The following SLFN14 variants were observed in gnomAD, a reference collection of about 807,000 sequenced individuals.
SLFN14 encodes schlafen family member 14.
SLFN14 carries 47 observed loss-of-function variants against 58.6 expected under a neutral mutation model. That is an observed-to-expected ratio of 0.80 (90% CI 0.64 to 1.02). The LOEUF (loss-of-function observed/expected upper bound fraction) is 1.02. Ranked by LOEUF, SLFN14 falls within the 50% of genes least tolerant of loss-of-function variation. The pLI, the probability that SLFN14 is intolerant of heterozygous loss-of-function variation, is 0.00. For missense variants in SLFN14, 967 were observed against 1,078.4 expected, an observed-to-expected ratio of 0.90 and a Z score of 1.45; for synonymous variants, 390 against 387.3, an observed-to-expected ratio of 1.01 and a Z score of -0.08.
At chr17:35,554,790 T>C in intron 3 of SLFN14, 86 bp from the exon 4 acceptor site, 2 of 1,207,192 alleles carry the variant, frequency 1.7e-6, no homozygotes, top group South Asian at 4.2e-5. Context: ...TGGCTCTTCT[T>C]ACTGGAGACC....
intron 4 of SLFN14, among the ~76,000 whole-genome samples, chr17:35,553,915 C>T (rs1283710674): frequency 2.0e-5 from 3 of 152,214 alleles, no homozygotes; most frequent in African/African-American, 4.8e-5. Flanking sequence ...GCTGGGATTA[C>T]AGGCATGAGC....
In SLFN14 at chr17:35,557,075, T is replaced by C; in HGVS notation, c.988A>G (p.Ile330Val). 1 of 1,551,666 alleles carries C rather than the reference T, an allele frequency of 6.4e-7. No homozygotes were observed. The highest frequency in any genetic ancestry group is 8.7e-7 in the Non-Finnish European group (1 of 1,146,986). The change falls in exon 3 of 6, where the codon ATC becomes GTC. Residue 330 changes from isoleucine (I) to valine (V), a missense_variant. Ile to Val is a conservative substitution (Grantham distance 29). Transcript: ENST00000674182. ...VVFAEAPDSW[I>V]MKDNSVTRLT... ...CGTGTGACAGAATTGTCTTTCATGA[T>C]CCAGGAATCTGGGGCCTCTGCAAAC...
intron 4 of SLFN14, 24 bp downstream of exon 4, chr17:35,554,552 T>C: frequency 4.0e-6 from 6 of 1,517,298 alleles, no homozygotes; most frequent in Non-Finnish European, 5.3e-6. Flanking sequence ...AATAGTCCCC[T>C]AAGTTGAAAT....
Position 35,549,026 on chromosome 17 carries a change from C to T in SLFN14, c.1952G>A (p.Gly651Glu). ...TATGTGTTTAATCTTTAGAAACTCCCCTTGCATGAAAGTTTTCCTGGTCAC... is the reference window on the plus strand; with the variant it reads ...TATGTGTTTAATCTTTAGAAACTCCTCTTGCATGAAAGTTTTCCTGGTCAC... Reference protein sequence around the residue: ...QAVTRKTFMQGEFLKIKHIVM... With the variant: ...QAVTRKTFMQEEFLKIKHIVM... Residue 651 changes from glycine (G) to glutamate (E), a missense_variant, in exon 6 of 6, where the codon GGG becomes GAG. Physicochemically the swap from Gly to Glu is moderately conservative, Grantham distance 98 (BLOSUM62 -2). Coordinates refer to ENST00000674182, the MANE Select transcript of SLFN14 (RefSeq NM_001129820.2). 6.4e-7 allele frequency: 1 copy of T among 1,551,642 alleles called. No individual in the cohort carries two copies. The highest frequency in any genetic ancestry group is 2.4e-5 in the East Asian group (1 of 40,922).
In SLFN14 at chr17:35,557,300, C is replaced by T; in HGVS notation, c.763G>A (p.Val255Ile). ...TTCACTTTTTCCCACTTACATCCAA[C>T]CACTTCTTTGCTCTTATCATCCACC... ...IGVDDKSKEVVGCKWEKVNPD... is the reference protein window; with the variant it reads ...IGVDDKSKEVIGCKWEKVNPD... Residue 255 changes from valine to isoleucine, a missense_variant, in exon 3 of 6, where the codon GTT becomes ATT. Transcript: ENST00000674182. 3.2e-6 allele frequency: 5 copies of T among 1,551,730 alleles called. No individual in the cohort carries two copies. Among genetic ancestry groups the T allele is most frequent in the Non-Finnish European group, 4.4e-6 (5 of 1,146,990 alleles).
At position 35,545,501 on chromosome 17, in the gene SLFN14, G is replaced by T. The variant is rs1158347466; in HGVS notation, c.*2738C>A. Reference sequence around the variant, plus strand: ...CCTTGTGACATATTAGAATCATTTGGATTTTTTTTAAGAGATAGAGTCTTG... The same window carrying T: ...CCTTGTGACATATTAGAATCATTTGTATTTTTTTTAAGAGATAGAGTCTTG... On this transcript the variant is annotated 3_prime_UTR_variant, in exon 6 of 6. Coordinates refer to ENST00000674182, the MANE Select transcript of SLFN14 (RefSeq NM_001129820.2). 6.6e-6 allele frequency among the ~76,000 whole-genome samples: 1 copy of T among 151,994 alleles called. No individual in the cohort carries two copies. The highest frequency in any genetic ancestry group is 2.4e-5 in the African/African-American group (1 of 41,394).
chr17:35,551,617 G>A (rs2072588360), intron 5 of SLFN14, among the ~76,000 whole-genome samples: 1 of 152,110 alleles, frequency 6.6e-6, no homozygotes, highest in South Asian at 2.1e-4. Flanking sequence ...AGAACTAAAT[G>A]GTGACATGGA....
intron 5 of SLFN14, 56 bp from the exon 6 acceptor site, chr17:35,549,129 G>A (rs140820781): frequency 7.5e-7 from 1 of 1,329,682 alleles, no homozygotes; most frequent in African/African-American, 1.5e-5. Flanking sequence ...AACACCAGCA[G>A]TCATTACTCT....
intron 3 of SLFN14, 101 bp from the exon 4 acceptor site, chr17:35,554,805 A>T: frequency 9.6e-7 from 1 of 1,036,584 alleles, no homozygotes; most frequent in Non-Finnish European, 1.3e-6. Flanking sequence ...GAGACCTGTG[A>T]TGTGCATGGG....
intron 2 of SLFN14, among the ~76,000 whole-genome samples, chr17:35,558,997 G>A (rs1463670244): frequency 2.6e-5 from 4 of 151,656 alleles, no homozygotes; most frequent in South Asian, 2.1e-4. Context: ...GATTGCTTTC[G>A]ATCAGGAGTT....
intron 3 of SLFN14, among the ~76,000 whole-genome samples, chr17:35,555,483 C>T (rs564818197): frequency 1.3e-5 from 2 of 151,194 alleles, no homozygotes; most frequent in African/African-American, 2.4e-5. Context: ...ACCTGGGAGG[C>T]GGAGGCTGCA....
chr17:35,549,729 T>C (rs948836501), intron 5 of SLFN14, among the ~76,000 whole-genome samples: 1 of 152,216 alleles, frequency 6.6e-6, no homozygotes, highest in Non-Finnish European at 1.5e-5. Flanking sequence ...CCTCCTTTAA[T>C]TTGGATCCAA....
chr17:35,557,581 C>T lies in SLFN14; in HGVS notation c.482G>A (p.Arg161Lys). The change falls in exon 3 of 6, where the codon AGA becomes AAA. Residue 161 changes from arginine to lysine, a missense_variant. Coordinates refer to ENST00000674182, the MANE Select transcript of SLFN14 (RefSeq NM_001129820.2). The stretch of plus-strand genomic sequence containing the variant: ...AGGATGCAACTTCTTCACCCTTGGT[C>T]TTCCTCTTTGGGCTCTAAACCCCTT... ...REKGFRAQRG[R>K]PRVKKLHPQQ... The T allele has an allele frequency of 6.4e-7, 1 of 1,551,690 alleles. No homozygotes were observed. The highest frequency in any genetic ancestry group is 8.7e-7 in the Non-Finnish European group (1 of 1,146,988).
At chr17:35,560,305 T>C (rs1458365192) in intron 1 of SLFN14, among the ~76,000 whole-genome samples, 2 of 152,220 alleles carry the variant, frequency 1.3e-5, no homozygotes, top group Admixed American at 1.3e-4. Context: ...TCGAGATGAA[T>C]ATCCTTTCCA....
At chr17:35,552,627 C>CAT (rs935920972) in intron 5 of SLFN14, 103 bp downstream of exon 5, 1 of 358,700 alleles carries the variant, frequency 2.8e-6, no homozygotes, top group Non-Finnish European at 4.4e-6. Context: ...TATATATACA[C>CAT]ATATATATAC....
At chr17:35,553,605 T>G in intron 4 of SLFN14, 161 bp from the exon 5 acceptor site, 1 of 630,732 alleles carries the variant, frequency 1.6e-6, no homozygotes, top group Non-Finnish European at 2.7e-6. Flanking sequence ...TCCCCAACTC[T>G]CCCCCATCCC....
chr17:35,556,026 AT>A (rs1278670213), intron 3 of SLFN14, among the ~76,000 whole-genome samples: 4 of 151,504 alleles, frequency 2.6e-5, no homozygotes, highest in South Asian at 2.1e-4. Context: ...ATTTATTTTT[AT>A]TTTTTTATTT....
chr17:35,548,847 C>G lies in SLFN14; in HGVS notation c.2131G>C (p.Ala711Pro). 1 of 1,551,650 alleles carries G rather than the reference C, an allele frequency of 6.4e-7. No homozygotes were observed. Among genetic ancestry groups the G allele is most frequent in the Non-Finnish European group, 8.7e-7 (1 of 1,146,986 alleles). The change falls in exon 6 of 6, where the codon GCA (alanine) becomes CCA (proline). Residue 711 changes from alanine (A) to proline (P), a missense_variant. By Grantham distance (27) the Ala-to-Pro change is conservative. Transcript: ENST00000674182. Reference sequence around the variant, plus strand: ...GGAGGGGGAAGGCCATTGACATCTGCGTGATGGATTTGAAAAGGGTCAAGA... The same window carrying G: ...GGAGGGGGAAGGCCATTGACATCTGGGTGATGGATTTGAAAAGGGTCAAGA... ...LFLDPFQIHH[A>P]DVNGLPPPSA...
chr17:35,551,473 C>T lies in SLFN14; in HGVS notation c.1904+1257G>A, dbSNP rs539229447. 3.9e-5 allele frequency among the ~76,000 whole-genome samples: 6 copies of T among 152,330 alleles called. No homozygotes were observed. The East Asian group carries it at 1.2e-3, about 29-fold the overall frequency. ...CTACACTGAACAAGATTTATACAAT[C>T]ATGTCGTACCTAAGCCCCGCAACAA... is the stretch of plus-strand genomic sequence containing the variant. On this transcript the variant is annotated intron_variant, in intron 5 of 5. Transcript: ENST00000674182.
Sources: gnomAD v4.1 joint callset for allele counts (sites outside exome capture counted in the v4.1 genomes callset) on GRCh38, gnomAD v4.1.1 for gene constraint, MANE v1.5 for transcripts, NCBI Gene and HGNC (gene_info 2026-07-23, HGNC 2026-07-21) for gene names.